Variants in TLE1 observed in about 807,000 individuals in gnomAD.
TLE1 encodes TLE family member 1, transcriptional corepressor.
In TLE1, 21 loss-of-function variants were observed where a neutral mutation model predicts 89.8. The observed-to-expected ratio is 0.23, with a 90% CI of 0.17 to 0.34. TLE1 has a LOEUF of 0.34. TLE1 is among the 10% of genes least tolerant of loss of function. The pLI, the probability that TLE1 is intolerant of heterozygous loss-of-function variation, is 1.00. For synonymous variants in TLE1, 447 were observed against 407.6 expected (o/e 1.10, Z -1.16); for missense variants, 795 against 1,031.2 (o/e 0.77, Z 3.14).
At chr9:81,639,779 T>C (rs1452993449) in intron 6 of TLE1, among the ~76,000 whole-genome samples, 1 of 151,954 alleles carries the variant, frequency 6.6e-6, no homozygotes, top group African/African-American at 2.4e-5. Flanking sequence ...AGATGGGGTT[T>C]TGCCATGTTG....
At chr9:81,616,796 T>TA in intron 9 of TLE1, 97 bp from the exon 10 acceptor site, 1 of 1,380,664 alleles carries the variant, frequency 7.2e-7, no homozygotes. Context: ...GCAGACAGAC[T>TA]AAAAAAACTA....
In TLE1 at chr9:81,661,138, T is replaced by C. The variant is rs145974888; in HGVS notation, c.235-7102A>G. Among the ~76,000 whole-genome samples the C allele has an allele frequency of 7.7e-3, 1,127 of 146,450 alleles. 22 individuals are homozygous for C. Among genetic ancestry groups the C allele is most frequent in the African/African-American group, 0.026 (1,062 of 40,246 alleles). On this transcript the variant is annotated intron_variant, in intron 4 of 19. Transcript: ENST00000376499. The stretch of plus-strand genomic sequence containing the variant: ...ACTCGGTCTCAAAAATAAAAATAAA[T>C]AAAAATAAATAAAAATAAAAAATAC...
intron 6 of TLE1, among the ~76,000 whole-genome samples, chr9:81,646,347 C>G (rs1189588384): frequency 2.6e-5 from 4 of 152,096 alleles, no homozygotes; most frequent in Non-Finnish European, 5.9e-5. Context: ...TCTTTCCCTT[C>G]GGAAATTTAA....
chr9:81,655,262 G>T (rs963186290), intron 4 of TLE1, among the ~76,000 whole-genome samples: 1 of 152,072 alleles, frequency 6.6e-6, no homozygotes, highest in Non-Finnish European at 1.5e-5. Context: ...TACTCGGGAG[G>T]CTGCGGCAGA....
At chr9:81,627,121 G>A (rs1296072863) in intron 8 of TLE1, among the ~76,000 whole-genome samples, 3 of 151,890 alleles carry the variant, frequency 2.0e-5, no homozygotes, top group Admixed American at 1.3e-4. Context: ...TCTGTGTATC[G>A]GACAGCACTT....
chr9:81,670,468 G>C (rs2132932452), intron 4 of TLE1, among the ~76,000 whole-genome samples: 1 of 152,230 alleles, frequency 6.6e-6, no homozygotes, highest in East Asian at 1.9e-4. Flanking sequence ...TGGGACTACA[G>C]GCGTGCGCCA....
chr9:81,601,187 AACAGAGAAACCAG>A (rs1323104348), intron 14 of TLE1, among the ~76,000 whole-genome samples: 1 of 152,218 alleles, frequency 6.6e-6, no homozygotes, highest in African/African-American at 2.4e-5. Context: ...TCTAGACAAA[AACAGAGAAACCAG>A]AAGATCAGAA....
In TLE1 at chr9:81,593,103, T is replaced by C; in HGVS notation, c.1503A>G (p.Thr501=). Residue 501 remains threonine (T), a synonymous_variant, in exon 15 of 20, where the codon ACA becomes ACG. Transcript: ENST00000376499. ...AGACCTTGACGCAGCCCTTCCCGCC[T>C]GTGTACACGTGTCTCGTGGGGTTGC... ...TISNPTRHVY[T]GGKGCVKVWD... is the part of the protein sequence containing the mutation. The C allele has an allele frequency of 6.2e-7, 1 of 1,614,164 alleles. No individual in the cohort carries two copies. The highest frequency in any genetic ancestry group is 8.5e-7 in the Non-Finnish European group (1 of 1,180,032).
chr9:81,616,825 GCTCT>G (rs1824582112), intron 9 of TLE1, 126 bp from the exon 10 acceptor site: 2 of 972,678 alleles, frequency 2.1e-6, no homozygotes, highest in East Asian at 2.5e-5. Flanking sequence ...AGGCCTGCAG[GCTCT>G]CTATCAGTTT....
intron 14 of TLE1, among the ~76,000 whole-genome samples, chr9:81,601,715 T>C (rs1436646814): frequency 1.3e-5 from 2 of 152,148 alleles, no homozygotes; most frequent in Admixed American, 1.3e-4. Flanking sequence ...TATGCTGAAC[T>C]AAACAATACC....
At position 81,634,305 on chromosome 9, in the gene TLE1, TTGGTGG is replaced by T; in HGVS notation, c.373-10_373-5del. The T allele has an allele frequency of 6.7e-7, 1 of 1,503,204 alleles. No individual in the cohort carries two copies. Among genetic ancestry groups the T allele is most frequent in the Admixed American group, 2.1e-5 (1 of 48,266 alleles). 93.1% of individuals were successfully genotyped at this position (1,503,204 alleles called of 1,614,324 possible). On this transcript the variant is annotated splice_polypyrimidine_tract_variant and splice_region_variant and intron_variant, in intron 6 of 19. Transcript: ENST00000376499. ...GCTGAGCTTGCAACTGCTGCTGCTG[TTGGTGG>T]TGGTGGTGAGAGAGAAAAAGGAGGA...
intron 6 of TLE1, among the ~76,000 whole-genome samples, chr9:81,645,071 C>T (rs1711938765): frequency 7.0e-6 from 1 of 143,642 alleles, no homozygotes; most frequent in South Asian, 2.2e-4. Context: ...AAAAATAACA[C>T]ACAATAGGCT....
chr9:81,615,779 A>C (rs934101028), intron 11 of TLE1, among the ~76,000 whole-genome samples: 1 of 152,048 alleles, frequency 6.6e-6, no homozygotes, highest in African/African-American at 2.4e-5. Context: ...TACACCCTCT[A>C]ATCATGGCCG....
intron 12 of TLE1, chr9:81,612,340 C>T (rs1008961646): frequency 4.0e-6 from 4 of 1,009,518 alleles, no homozygotes; most frequent in Non-Finnish European, 4.7e-6. Context: ...CAAGATTTCT[C>T]TTTCAGTCCG....
intron 17 of TLE1, 85 bp downstream of exon 17, chr9:81,587,596 A>T (rs1828699875): frequency 6.9e-7 from 1 of 1,455,274 alleles, no homozygotes; most frequent in African/African-American, 1.4e-5. Context: ...CTACCATCCT[A>T]GGGTAAAGGA....
chr9:81,653,845 A>T, intron 5 of TLE1, 129 bp downstream of exon 5: 1 of 782,686 alleles, frequency 1.3e-6, no homozygotes. Flanking sequence ...CAGGGGGTTT[A>T]CACACTTCAG....
intron 16 of TLE1, among the ~76,000 whole-genome samples, chr9:81,590,038 C>A (rs746917533): frequency 3.0e-4 from 45 of 152,314 alleles, no homozygotes; most frequent in South Asian, 1.2e-3. Context: ...AAGCCACAGA[C>A]CCCAAACTGC....
At chr9:81,681,144 T>C (rs537279087) in intron 4 of TLE1, among the ~76,000 whole-genome samples, 3 of 152,246 alleles carry the variant, frequency 2.0e-5, no homozygotes, top group Non-Finnish European at 4.4e-5. Context: ...TGGCCTGAGA[T>C]GTTGCTTGCT....
At chr9:81,676,038 A>G (rs1832866942) in intron 4 of TLE1, among the ~76,000 whole-genome samples, 1 of 152,124 alleles carries the variant, frequency 6.6e-6, no homozygotes. Context: ...TTTAATCTGA[A>G]TTCCATGGAC....
Sources: allele counts gnomAD v4.1 joint callset (sites outside exome capture counted in the v4.1 genomes callset), GRCh38; gene constraint gnomAD v4.1.1; transcripts MANE v1.5; gene names NCBI Gene and HGNC (gene_info 2026-07-23, HGNC 2026-07-21).